SLC29A3: variants seen among roughly 807,000 people sequenced by gnomAD.
SLC29A3 encodes the protein equilibrative nucleoside transporter 3.
In SLC29A3, 18 loss-of-function variants were observed where a neutral mutation model predicts 25.4. That is an observed-to-expected ratio of 0.71 (90% CI 0.49 to 1.05). The LOEUF is 1.05. Ranked by LOEUF, SLC29A3 falls within the 50% of genes least tolerant of loss-of-function variation. SLC29A3 has a pLI of 0.00. For synonymous variants in SLC29A3, 258 were observed against 267.1 expected, an observed-to-expected ratio of 0.97 and a Z score of 0.33; for missense variants, 586 against 609.0, an observed-to-expected ratio of 0.96 and a Z score of 0.40.
intron 3 of SLC29A3, among the ~76,000 whole-genome samples, chr10:71,348,360 G>C (rs1181906836): frequency 1.3e-5 from 2 of 152,218 alleles, no homozygotes. Flanking sequence ...ATCATTAGCT[G>C]TTAGGGACCT....
rs376124954 is a variant in SLC29A3 at position 71,351,748 on chromosome 10, C to T, written c.570C>T (p.Thr190=). Residue 190 remains threonine, a synonymous_variant, in exon 4 of 6, where the codon ACC becomes ACT. Coordinates refer to ENST00000373189, the MANE Select transcript of SLC29A3 (RefSeq NM_018344.6). The part of the protein sequence containing the change: ...TVFSSSIYGM[T]GSFPMRNSQA... Reference sequence around the variant, plus strand: ...TCAGCAGCAGCATCTACGGCATGACCGGCTCCTTTCCTATGAGGAACTCCC... The same window carrying T: ...TCAGCAGCAGCATCTACGGCATGACTGGCTCCTTTCCTATGAGGAACTCCC... 43 of 1,613,842 alleles carry T rather than the reference C, an allele frequency of 2.7e-5. No homozygotes were observed. Among genetic ancestry groups the T allele is most frequent in the Admixed American group, 8.3e-5 (5 of 60,008 alleles).
intron 1 of SLC29A3, among the ~76,000 whole-genome samples, chr10:71,321,214 A>G (rs2131793967): frequency 6.6e-6 from 1 of 152,254 alleles, no homozygotes; most frequent in South Asian, 2.1e-4. Flanking sequence ...CATCTGAAAA[A>G]AGGGGGCAAT....
intron 4 of SLC29A3, among the ~76,000 whole-genome samples, chr10:71,376,805 C>T (rs1011328082): frequency 2.0e-5 from 3 of 152,036 alleles, no homozygotes; most frequent in African/African-American, 7.2e-5. Flanking sequence ...CCTTCGTTGC[C>T]CAGACTGGAA....
rs1166815360 is a variant in SLC29A3 at position 71,362,856 on chromosome 10, G to A, written c.*248G>A. The A allele has an allele frequency of 5.9e-6, 4 of 672,970 alleles. No individual in the cohort carries two copies. The highest frequency in any genetic ancestry group is 1.1e-5 in the Non-Finnish European group (4 of 368,450). 41.7% of individuals were successfully genotyped at this position (672,970 alleles called of 1,614,324 possible). On this transcript the variant is annotated 3_prime_UTR_variant, in exon 6 of 6. Transcript: ENST00000373189. ...TGAAGAAGAAATAGCACAAATCAGG[G>A]GTACTCCCTTCACAGCTGATGGTTA... is the stretch of plus-strand genomic sequence containing the variant.
At chr10:71,356,370 A>T (rs537473070) in intron 5 of SLC29A3, 127 bp downstream of exon 5, 2 of 1,219,960 alleles carry the variant, frequency 1.6e-6, no homozygotes. Flanking sequence ...GTTGTTCAAC[A>T]AATAGGCTTG....
chr10:71,367,917 C>T (rs1019538512), downstream of SLC29A3, among the ~76,000 whole-genome samples: 5 of 152,184 alleles, frequency 3.3e-5, no homozygotes, highest in African/African-American at 9.7e-5. Flanking sequence ...TGCTGGTGCC[C>T]TTTTCTGATG....
At chr10:71,369,870 A>T (rs1378361783) in intron 3 of SLC29A3, among the ~76,000 whole-genome samples, 1 of 152,244 alleles carries the variant, frequency 6.6e-6, no homozygotes, top group African/African-American at 2.4e-5. Context: ...GAGGCTCCAA[A>T]GCCTGTCTTT....
chr10:71,349,432 G>A (rs1460208418), intron 3 of SLC29A3, among the ~76,000 whole-genome samples: 1 of 152,052 alleles, frequency 6.6e-6, no homozygotes, highest in Non-Finnish European at 1.5e-5. Context: ...TCTCTCCACG[G>A]CTCCCATGTA....
intron 2 of SLC29A3, among the ~76,000 whole-genome samples, chr10:71,332,420 G>A (rs1445869720): frequency 2.6e-5 from 4 of 152,076 alleles, no homozygotes; most frequent in Non-Finnish European, 5.9e-5. Context: ...AAAGTGCTGG[G>A]ATTACAGGCG....
chr10:71,351,860 C>A, intron 4 of SLC29A3, 72 bp downstream of exon 4: 1 of 1,349,274 alleles, frequency 7.4e-7, no homozygotes, highest in Non-Finnish European at 1.0e-6. Context: ...CAGAGATGAG[C>A]ATGTGGTGGC....
At position 71,356,131 on chromosome 10, in the gene SLC29A3, G is replaced by T; in HGVS notation, c.661G>T (p.Ala221Ser). 1 of 1,614,180 alleles carries T rather than the reference G, an allele frequency of 6.2e-7. No individual in the cohort carries two copies. The highest frequency in any genetic ancestry group is 8.5e-7 in the Non-Finnish European group (1 of 1,180,044). Residue 221 changes from alanine (A) to serine (S), a missense_variant, in exon 5 of 6, where the codon GCT becomes TCT. Coordinates refer to ENST00000373189, the MANE Select transcript of SLC29A3 (RefSeq NM_018344.6). ...VSAVASLVDL[A>S]ASSDVRNSAL... ...CGCCGTGGCCTCATTGGTGGACTTG[G>T]CTGCATCCAGTGATGTGAGGAACAG...
intron 2 of SLC29A3, among the ~76,000 whole-genome samples, chr10:71,325,322 T>C (rs1196251511): frequency 6.6e-6 from 1 of 152,132 alleles, no homozygotes; most frequent in Non-Finnish European, 1.5e-5. Flanking sequence ...AAAATACCAG[T>C]CCAGAGTCCT....
chr10:71,354,209 T>C (rs1846836833), intron 4 of SLC29A3, among the ~76,000 whole-genome samples: 1 of 152,194 alleles, frequency 6.6e-6, no homozygotes, highest in African/African-American at 2.4e-5. Flanking sequence ...TCACGTGTAA[T>C]AATCCTTTTA....
At chr10:71,353,743 T>G (rs916392409) in intron 4 of SLC29A3, among the ~76,000 whole-genome samples, 4 of 152,298 alleles carry the variant, frequency 2.6e-5, no homozygotes, top group South Asian at 2.1e-4. Flanking sequence ...ACAGCCCGTC[T>G]GTGAATTCCG....
intron 2 of SLC29A3, among the ~76,000 whole-genome samples, chr10:71,323,315 A>G (rs751717366): frequency 6.6e-6 from 1 of 152,256 alleles, no homozygotes; most frequent in East Asian, 1.9e-4. Context: ...CCAAAAGACT[A>G]GTAACTAAAA....
At chr10:71,359,044 G>A (rs1846987916) in intron 5 of SLC29A3, among the ~76,000 whole-genome samples, 1 of 152,156 alleles carries the variant, frequency 6.6e-6, no homozygotes, top group Admixed American at 6.5e-5. Flanking sequence ...GAGTAGCTGG[G>A]ACAACAGGCA....
In SLC29A3 at chr10:71,362,389, C is replaced by T. The variant is rs1589244687; in HGVS notation, c.1209C>T (p.His403=). The T allele has an allele frequency of 1.2e-6, 2 of 1,614,196 alleles. No individual in the cohort carries two copies. The highest frequency in any genetic ancestry group is 2.2e-5 in the East Asian group (1 of 44,876). Residue 403 remains histidine, a synonymous_variant, in exon 6 of 6, where the codon CAC becomes CAT. Coordinates refer to ENST00000373189, the MANE Select transcript of SLC29A3 (RefSeq NM_018344.6). The stretch of plus-strand genomic sequence containing the variant: ...TCTGTAACTACCAGCCCCGCGTCCA[C>T]CTGAAGACTGTGGTCTTCCAGTCCG... ...FVLCNYQPRV[H]LKTVVFQSDV...
intron 2 of SLC29A3, among the ~76,000 whole-genome samples, chr10:71,338,490 C>T (rs1846311451): frequency 6.6e-6 from 1 of 152,174 alleles, no homozygotes; most frequent in African/African-American, 2.4e-5. Context: ...GGCACCATGG[C>T]TCAGCACCTG....
chr10:71,365,276 C>G (rs1445003007), downstream of SLC29A3: 6 of 152,166 alleles, frequency 3.9e-5, no homozygotes, highest in Non-Finnish European at 2.9e-5. Context: ...GGGCACCATG[C>G]CTGCCTTAAA....
Sources: allele counts gnomAD v4.1 joint callset (sites outside exome capture counted in the v4.1 genomes callset), GRCh38; gene constraint gnomAD v4.1.1; transcripts MANE v1.5; gene names NCBI Gene and HGNC (gene_info 2026-07-23, HGNC 2026-07-21).